Variants in TSC22D4 observed in about 807,000 individuals in gnomAD.
TSC22D4 encodes the protein TSC22 domain family member 4, also known as TSC22 domain family protein 4.
TSC22D4 carries 5 observed loss-of-function variants against 24.9 expected under a neutral mutation model. That is an observed-to-expected ratio of 0.20 (90% CI 0.10 to 0.42). TSC22D4 has a LOEUF of 0.42. Ranked by LOEUF, TSC22D4 falls within the 10% of genes least tolerant of loss-of-function variation. The pLI, the probability that TSC22D4 is intolerant of heterozygous loss-of-function variation, is 1.00. For missense variants in TSC22D4, 469 were observed against 547.9 expected, an observed-to-expected ratio of 0.86 and a Z score of 1.44; for synonymous variants, 245 against 243.2, an observed-to-expected ratio of 1.01 and a Z score of -0.07.
At chr7:100,472,014 C>T (rs985246687) in intron 3 of TSC22D4, among the ~76,000 whole-genome samples, 1 of 152,080 alleles carries the variant, frequency 6.6e-6, no homozygotes, top group Non-Finnish European at 1.5e-5. Context: ...TCCTGCCTGC[C>T]GGGAGGGGAC....
chr7:100,471,968 C>G (rs1584349037), intron 3 of TSC22D4, among the ~76,000 whole-genome samples: 1 of 152,196 alleles, frequency 6.6e-6, no homozygotes, highest in African/African-American at 2.4e-5. Context: ...CCCCCACCCC[C>G]ATTCCTTCCA....
At chr7:100,468,080 G>A (rs1799322827) in intron 3 of TSC22D4, 1 of 395,818 alleles carries the variant, frequency 2.5e-6, no homozygotes, top group South Asian at 1.9e-5. Context: ...CAGTGCCTCG[G>A]GGGTGCTGGC....
chr7:100,467,486 A>G, intron 4 of TSC22D4, 66 bp downstream of exon 4: 1 of 1,539,894 alleles, frequency 6.5e-7, no homozygotes, highest in Non-Finnish European at 9.0e-7. Context: ...GGAAGAGGAC[A>G]GGGCTGGGGC....
chr7:100,468,666 G>A (rs532593466), intron 3 of TSC22D4, among the ~76,000 whole-genome samples: 18 of 152,336 alleles, frequency 1.2e-4, no homozygotes, highest in Middle Eastern at 3.4e-3. Flanking sequence ...GCCAGGCGTG[G>A]TGGCTCACAC....
Position 100,477,805 on chromosome 7 carries a change from G to C in TSC22D4, c.234C>G (p.Pro78=). 1 of 1,607,366 alleles carries C rather than the reference G, an allele frequency of 6.2e-7. No homozygotes were observed. Among genetic ancestry groups the C allele is most frequent in the East Asian group, 2.2e-5 (1 of 44,846 alleles). Residue 78 remains proline, a synonymous_variant, in exon 2 of 5, where the codon CCC becomes CCG. Transcript: ENST00000300181. This position sits in a 1 kb window ranked among gnomAD's most constrained non-coding sequence, Gnocchi z 7.8. ...GGCGATAAGGCTCTCCCAGGCCGTG[G>C]GGCAGCTTCACCACCCGGAAACGGG... The part of the protein sequence containing the change: ...PSSRFRVVKL[P]HGLGEPYRRG...
At chr7:100,478,509 C>A (rs1366021701) in intron 1 of TSC22D4, among the ~76,000 whole-genome samples, 5 of 151,758 alleles carry the variant, frequency 3.3e-5, no homozygotes. Flanking sequence ...GAGACCAGGG[C>A]AGAGGGGACT....
intron 3 of TSC22D4, among the ~76,000 whole-genome samples, chr7:100,469,520 CCA>C (rs1190407389): frequency 2.0e-5 from 3 of 152,108 alleles, no homozygotes; most frequent in Non-Finnish European, 4.4e-5. Context: ...CCCTCAAGCC[CCA>C]CTCTCAGGCC....
Position 100,467,640 on chromosome 7 carries a change from C to G in TSC22D4, c.930-40G>C, listed in dbSNP as rs891666797. The G allele has an allele frequency of 3.1e-6, 5 of 1,605,998 alleles. No homozygotes were observed. The African/African-American group carries it at 6.7e-5, about 21-fold the overall frequency. On this transcript the variant is annotated intron_variant, in intron 3 of 4. Coordinates refer to ENST00000300181, the MANE Select transcript of TSC22D4 (RefSeq NM_030935.5). ...GAAGGTGAGGGGAGGAGAGGAGAAG[C>G]CTTCCCAGGTGCTGGTTTCTTGGAC...
chr7:100,466,942 T>C lies in TSC22D4; in HGVS notation c.*17A>G, dbSNP rs1319797366. 1.3e-6 allele frequency: 2 copies of C among 1,529,304 alleles called. No individual in the cohort carries two copies. The highest frequency in any genetic ancestry group is 8.8e-7 in the Non-Finnish European group (1 of 1,135,708). 94.7% of individuals were successfully genotyped at this position (1,529,304 alleles called of 1,614,324 possible). ...AGGCCGGGCAGCCCCAAAGGCACAT[T>C]GTAAGGGAAGGGAGGCTCAGACGGA... On this transcript the variant is annotated 3_prime_UTR_variant, in exon 5 of 5. Transcript: ENST00000300181.
At position 100,479,062 on chromosome 7, in the gene TSC22D4, G is replaced by C. The variant is rs1411978626; in HGVS notation, c.-538C>G. ...CAAGGGTCTGGAGACTGATGTGGGA[G>C]GGGGCGGCCGAGCCCCCCTCTGCTC... On this transcript the variant is annotated 5_prime_UTR_variant, in exon 1 of 5. Transcript: ENST00000300181. 1 of 152,242 alleles carries C rather than the reference G, an allele frequency of 6.6e-6. No individual in the cohort carries two copies. The highest frequency in any genetic ancestry group is 2.4e-5 in the African/African-American group (1 of 41,436). 9.4% of individuals were successfully genotyped at this position (152,242 alleles called of 1,614,324 possible). A position where few individuals can be genotyped will look rare whatever the true frequency, so the allele number is the denominator to read the frequency against.
At chr7:100,473,321 C>G (rs1799427801) in intron 3 of TSC22D4, among the ~76,000 whole-genome samples, 1 of 152,182 alleles carries the variant, frequency 6.6e-6, no homozygotes, top group Non-Finnish European at 1.5e-5. Flanking sequence ...CTAAAGTAGA[C>G]CCTGTGGGCT....
chr7:100,476,384 G>T (rs1799496486), intron 2 of TSC22D4, among the ~76,000 whole-genome samples: 1 of 152,022 alleles, frequency 6.6e-6, no homozygotes, highest in Non-Finnish European at 1.5e-5. Flanking sequence ...AGGCCAGGAA[G>T]GGGAAAGAGT....
At chr7:100,478,344 A>T (rs1271158510) in intron 1 of TSC22D4, 37 bp from the exon 2 acceptor site, 8 of 289,268 alleles carry the variant, frequency 2.8e-5, no homozygotes, top group African/African-American at 9.4e-5. Flanking sequence ...AGAGAGAGAG[A>T]GAGAGAGTGT....
chr7:100,470,251 A>G (rs1799366924), intron 3 of TSC22D4, among the ~76,000 whole-genome samples: 1 of 152,142 alleles, frequency 6.6e-6, no homozygotes, highest in Non-Finnish European at 1.5e-5. Context: ...GAGATAAAGG[A>G]ATAATACAGC....
intron 3 of TSC22D4, 176 bp from the exon 4 acceptor site, chr7:100,467,776 C>T: frequency 1.4e-6 from 1 of 729,160 alleles, no homozygotes; most frequent in Non-Finnish European, 2.5e-6. Context: ...GCCTCCCAGG[C>T]CCCGGTGGGG....
At position 100,479,069 on chromosome 7, in the gene TSC22D4, G is replaced by C. The variant is rs914596646; in HGVS notation, c.-545C>G. 6.6e-6 allele frequency: 1 copy of C among 152,208 alleles called. No homozygotes were observed. The highest frequency in any genetic ancestry group is 1.5e-5 in the Non-Finnish European group (1 of 68,082). 9.4% of individuals were successfully genotyped at this position (152,208 alleles called of 1,614,324 possible). A position where few individuals can be genotyped will look rare whatever the true frequency, so the allele number is the denominator to read the frequency against. On this transcript the variant is annotated 5_prime_UTR_variant, in exon 1 of 5. Coordinates refer to ENST00000300181, the MANE Select transcript of TSC22D4 (RefSeq NM_030935.5). ...CTGGAGACTGATGTGGGAGGGGGCGGCCGAGCCCCCCTCTGCTCCCGGTGG... is the reference window on the plus strand; with the variant it reads ...CTGGAGACTGATGTGGGAGGGGGCGCCCGAGCCCCCCTCTGCTCCCGGTGG...
chr7:100,467,034 C>CG lies in TSC22D4; in HGVS notation c.1112dup (p.Glu372GlyfsTer161). The CG allele has an allele frequency of 6.2e-7, 1 of 1,612,772 alleles. No homozygotes were observed. Among genetic ancestry groups the CG allele is most frequent in the Admixed American group, 1.7e-5 (1 of 59,870 alleles). On this transcript the variant is annotated frameshift_variant, in exon 5 of 5. Coordinates refer to ENST00000300181, the MANE Select transcript of TSC22D4 (RefSeq NM_030935.5). LOFTEE classifies it high-confidence loss of function. ...AGGAGGGCAGCTGAGCCAGCTGCTC[C>CG]GGGCTGGCCAGGGCGCGCAGCAGCC...
chr7:100,468,341 G>A (rs1799329132), intron 3 of TSC22D4, among the ~76,000 whole-genome samples: 1 of 152,172 alleles, frequency 6.6e-6, no homozygotes, highest in South Asian at 2.1e-4. Context: ...GGGAGTGAAG[G>A]GTGTGAAGGG....
In TSC22D4 at chr7:100,474,508, T is replaced by G; in HGVS notation, c.763-68A>C. On this transcript the variant is annotated intron_variant, in intron 2 of 4. Coordinates refer to ENST00000300181, the MANE Select transcript of TSC22D4 (RefSeq NM_030935.5). This position sits in a 1 kb window ranked among gnomAD's most constrained non-coding sequence, Gnocchi z 4.3. ...GAAAGGAACCAGCTGCCTTAAAACT[T>G]GCCTATTAGCCTTCCTCCCTCTCCA... 6.3e-7 allele frequency: 1 copy of G among 1,578,838 alleles called. No individual in the cohort carries two copies. Among genetic ancestry groups the G allele is most frequent in the Non-Finnish European group, 8.6e-7 (1 of 1,159,134 alleles).
Sources: allele counts gnomAD v4.1 joint callset (sites outside exome capture counted in the v4.1 genomes callset), GRCh38; gene constraint gnomAD v4.1.1; non-coding constraint Gnocchi (gnomAD v3.1); transcripts MANE v1.5; gene names NCBI Gene and HGNC (gene_info 2026-07-23, HGNC 2026-07-21).